The following EMID1 variants were observed in gnomAD, a reference collection of about 807,000 sequenced individuals.
EMID1 encodes EMI domain containing 1, also known as EMI domain-containing protein 1.
Under a neutral mutation model 60.6 loss-of-function variants are expected in EMID1, and 40 were observed. That is an observed-to-expected ratio of 0.66 (90% CI 0.51 to 0.86). The LOEUF is 0.86. EMID1 is among the 40% of genes least tolerant of loss of function. EMID1 has a pLI of 0.00. For synonymous variants in EMID1, 242 were observed against 231.0 expected, an observed-to-expected ratio of 1.05 and a Z score of -0.43; for missense variants, 585 against 597.1, an observed-to-expected ratio of 0.98 and a Z score of 0.21.
chr22:29,216,444 G>A (rs1450763653), intron 3 of EMID1: 1 of 985,338 alleles, frequency 1.0e-6, no homozygotes, highest in Non-Finnish European at 1.2e-6. Flanking sequence ...AAAGAGGATG[G>A]GCTGGCCCAG....
intron 2 of EMID1, 83 bp from the exon 3 acceptor site, chr22:29,215,444 G>A (rs978269897): frequency 4.7e-5 from 68 of 1,438,600 alleles, no homozygotes; most frequent in Non-Finnish European, 5.9e-5. Flanking sequence ...GGAAGCTCTA[G>A]GTTTGTCCCC....
intron 7 of EMID1, chr22:29,232,000 T>G: frequency 1.7e-6 from 1 of 592,820 alleles, no homozygotes; most frequent in South Asian, 2.0e-5. Context: ...GCAGCAATGC[T>G]TGCCCCATGT....
At chr22:29,224,986 T>C (rs555017522) in intron 3 of EMID1, 147 bp from the exon 4 acceptor site, 1 of 749,572 alleles carries the variant, frequency 1.3e-6, no homozygotes, top group South Asian at 1.8e-5. Flanking sequence ...TTCATGCTGT[T>C]TGACCCAGAT....
chr22:29,255,429 A>G, intron 14 of EMID1: 1 of 1,192,948 alleles, frequency 8.4e-7, no homozygotes, highest in East Asian at 2.9e-5. Context: ...CTGGGCATGC[A>G]GAAGGCGCCT....
chr22:29,206,864 G>A (rs1344651359), intron 1 of EMID1, among the ~76,000 whole-genome samples: 1 of 152,206 alleles, frequency 6.6e-6, no homozygotes, highest in Non-Finnish European at 1.5e-5. Context: ...TAGGGAATTG[G>A]CATCATCTTT....
intron 1 of EMID1, among the ~76,000 whole-genome samples, chr22:29,206,615 G>C (rs567204397): frequency 1.3e-5 from 2 of 152,184 alleles, no homozygotes; most frequent in African/African-American, 4.8e-5. Flanking sequence ...ACAGCCCAGT[G>C]GGTCAGTGTC....
chr22:29,245,222 G>T (rs551250669), intron 13 of EMID1, among the ~76,000 whole-genome samples: 34 of 152,276 alleles, frequency 2.2e-4, no homozygotes, highest in African/African-American at 7.7e-4. Context: ...TGCCAGTATG[G>T]ACATGAGCTG....
chr22:29,247,922 C>T (rs572881905), intron 13 of EMID1, among the ~76,000 whole-genome samples: 57 of 150,682 alleles, frequency 3.8e-4, no homozygotes, highest in African/African-American at 5.6e-4. Flanking sequence ...TGAGCCACCG[C>T]GCTGGTGAAA....
intron 12 of EMID1, among the ~76,000 whole-genome samples, chr22:29,236,796 C>CT (rs766501288): frequency 0.02 from 2,964 of 145,764 alleles, 41 homozygotes; most frequent in Middle Eastern, 0.074. Flanking sequence ...TCTTTTTTTT[C>CT]TTTTTTTTTT....
chr22:29,248,814 C>A (rs1482529010), intron 13 of EMID1, among the ~76,000 whole-genome samples: 3 of 98,438 alleles, frequency 3.0e-5, no homozygotes, highest in African/African-American at 1.1e-4. Context: ...GCACTCCAAC[C>A]TGGGCGACAG....
chr22:29,258,796 TCTC>T lies in EMID1; in HGVS notation c.1205-18_1205-16del, dbSNP rs1272956447. Reference sequence around the variant, plus strand: ...ACATGAACCCCTCTAATGTGGCCTCTCTCCTTCTTCCCTCCGGCAGAACCAGAG... The same window carrying T: ...ACATGAACCCCTCTAATGTGGCCTCTCTTCTTCCCTCCGGCAGAACCAGAG... On this transcript the variant is annotated intron_variant, in intron 14 of 14. Coordinates refer to ENST00000334018, the MANE Select transcript of EMID1 (RefSeq NM_133455.4). 1.2e-6 allele frequency: 2 copies of T among 1,612,578 alleles called. No individual in the cohort carries two copies.
chr22:29,225,507 CT>C (rs972921212), intron 4 of EMID1, among the ~76,000 whole-genome samples: 1 of 152,248 alleles, frequency 6.6e-6, no homozygotes, highest in African/African-American at 2.4e-5. Context: ...TTAATCAGCA[CT>C]TTTCTGAGCA....
At chr22:29,231,933 T>C (rs2146296379) in intron 7 of EMID1, 1 of 568,332 alleles carries the variant, frequency 1.8e-6, no homozygotes, top group East Asian at 2.9e-5. Flanking sequence ...GGGTCAGACA[T>C]GTCCCTGCCC....
chr22:29,240,742 T>C (rs2041124226), intron 12 of EMID1, among the ~76,000 whole-genome samples: 1 of 152,256 alleles, frequency 6.6e-6, no homozygotes, highest in South Asian at 2.1e-4. Context: ...ACCTGTTTCT[T>C]TGTTTGATCA....
intron 10 of EMID1, 84 bp from the exon 11 acceptor site, chr22:29,234,053 G>A (rs994547364): frequency 8.7e-6 from 13 of 1,486,122 alleles, no homozygotes; most frequent in African/African-American, 8.4e-5. Flanking sequence ...AAGCTTGAGC[G>A]CCCTCCCCAA....
intron 3 of EMID1, among the ~76,000 whole-genome samples, chr22:29,221,078 TGTGTGTGTGTGTGTGTGTGTG>T: frequency 1.6e-5 from 1 of 63,694 alleles, no homozygotes; most frequent in African/African-American, 8.2e-5. Context: ...TGTGTGTGTG[TGTGTGTGTGTGTGTGTGTGTG>T]TGTGTGTGTG....
intron 5 of EMID1, among the ~76,000 whole-genome samples, chr22:29,228,560 C>T (rs373755411): frequency 6.6e-6 from 1 of 152,136 alleles, no homozygotes; most frequent in East Asian, 1.9e-4. Context: ...ATTCCCTTCT[C>T]TGGAAATTTA....
At position 29,224,913 on chromosome 22, in the gene EMID1, C is replaced by T. The variant is rs186021345; in HGVS notation, c.320-220C>T. 5.9e-5 allele frequency among the ~76,000 whole-genome samples: 9 copies of T among 152,360 alleles called. No homozygotes were observed. In the East Asian group the frequency reaches 1.7e-3, roughly 29 times the overall value. ...CCCTCAGCCTCATCTATGGCCCCCGCCCCATTGCCAGCCCCTCTTTCCAGC... is the reference window on the plus strand; with the variant it reads ...CCCTCAGCCTCATCTATGGCCCCCGTCCCATTGCCAGCCCCTCTTTCCAGC... On this transcript the variant is annotated intron_variant, in intron 3 of 14. Transcript: ENST00000334018.
chr22:29,233,679 C>T lies in EMID1; in HGVS notation c.966+13C>T, dbSNP rs770975879. 1.2e-5 allele frequency: 19 copies of T among 1,612,236 alleles called. No individual in the cohort carries two copies. Among genetic ancestry groups the T allele is most frequent in the African/African-American group, 5.3e-5 (4 of 74,902 alleles). ...TCCTGGTCACATAGTGAGTAGTTCTCCTTGTACTCTCACCCATGTGTCTGT... is the reference window on the plus strand; with the variant it reads ...TCCTGGTCACATAGTGAGTAGTTCTTCTTGTACTCTCACCCATGTGTCTGT... On this transcript the variant is annotated intron_variant, in intron 10 of 14. Coordinates refer to ENST00000334018, the MANE Select transcript of EMID1 (RefSeq NM_133455.4).
Sources: gnomAD v4.1 joint callset for allele counts (sites outside exome capture counted in the v4.1 genomes callset) on GRCh38, gnomAD v4.1.1 for gene constraint, MANE v1.5 for transcripts, NCBI Gene and HGNC (gene_info 2026-07-23, HGNC 2026-07-21) for gene names.